CACNA2D1: variants seen among roughly 807,000 people sequenced by gnomAD.
CACNA2D1 encodes calcium voltage-gated channel auxiliary subunit alpha2delta 1.
A neutral mutation model predicts 171.5 loss-of-function variants in CACNA2D1; 53 were observed. The ratio of observed to expected loss-of-function variants is 0.31; its 90% CI spans 0.25 to 0.39. The LOEUF is 0.39. Among genes scored for constraint, CACNA2D1 ranks in the 10% least tolerant of loss-of-function variants. The pLI, the probability that CACNA2D1 is intolerant of heterozygous loss-of-function variation, is 1.00. For missense variants in CACNA2D1, 903 were observed against 1,299.8 expected (o/e 0.69, Z 4.69); for synonymous variants, 442 against 443.1 (o/e 1.00, Z 0.03).
intron 18 of CACNA2D1, chr7:82,001,770 G>T (rs1483453820): frequency 8.0e-6 from 5 of 621,676 alleles, no homozygotes; most frequent in Non-Finnish European, 1.3e-5. Flanking sequence ...ATAGGTACGG[G>T]TTCTATCCTA....
chr7:81,974,577 T>A, intron 24 of CACNA2D1, 25 bp from the exon 25 acceptor site: 1 of 1,219,230 alleles, frequency 8.2e-7, no homozygotes, highest in Non-Finnish European at 1.2e-6. Flanking sequence ...TTTTGAGATA[T>A]TAGATATTAA....
chr7:82,198,466 A>AG (rs1799070617), intron 3 of CACNA2D1, among the ~76,000 whole-genome samples: 1 of 152,102 alleles, frequency 6.6e-6, no homozygotes, highest in African/African-American at 2.4e-5. Flanking sequence ...AGAAAGACTA[A>AG]GAGAGTTTCC....
chr7:82,349,885 G>A (rs1479399193), intron 1 of CACNA2D1, among the ~76,000 whole-genome samples: 3 of 152,136 alleles, frequency 2.0e-5, no homozygotes, highest in Non-Finnish European at 4.4e-5. Flanking sequence ...GGAGAAAAAT[G>A]ACATTGATGT....
intron 20 of CACNA2D1, 137 bp from the exon 21 acceptor site, chr7:81,991,383 C>CCTG: frequency 1.9e-6 from 1 of 530,102 alleles, no homozygotes. Context: ...CTATTTTATT[C>CCTG]TATATTTATT....
chr7:82,033,273 C>A (rs917547040), intron 11 of CACNA2D1, among the ~76,000 whole-genome samples: 1 of 151,902 alleles, frequency 6.6e-6, no homozygotes, highest in Non-Finnish European at 1.5e-5. Context: ...TTGTTGGTAT[C>A]CCCCAACAGA....
chr7:82,345,861 T>C (rs1819195217), intron 2 of CACNA2D1, among the ~76,000 whole-genome samples: 1 of 152,210 alleles, frequency 6.6e-6, no homozygotes, highest in Non-Finnish European at 1.5e-5. Context: ...TTAATACAGC[T>C]TTAATACATT....
At chr7:82,038,382 T>G (rs535796000) in intron 10 of CACNA2D1, 147 bp from the exon 11 acceptor site, 1 of 689,152 alleles carries the variant, frequency 1.5e-6, no homozygotes, top group South Asian at 1.9e-5. Flanking sequence ...CAAAGGTGCA[T>G]TAAGAAACCA....
intron 10 of CACNA2D1, among the ~76,000 whole-genome samples, chr7:82,040,465 A>C (rs1172708599): frequency 1.0e-4 from 15 of 146,978 alleles, no homozygotes; most frequent in South Asian, 6.5e-4. Context: ...AAAAAAAAAA[A>C]AAAAAACAGA....
chr7:82,427,718 T>C (rs1829314643), intron 1 of CACNA2D1, among the ~76,000 whole-genome samples: 1 of 152,226 alleles, frequency 6.6e-6, no homozygotes, highest in Non-Finnish European at 1.5e-5. Context: ...TAACCAACCA[T>C]GCAAGTTCCA....
intron 5 of CACNA2D1, among the ~76,000 whole-genome samples, chr7:82,130,505 T>C (rs1358896772): frequency 1.3e-5 from 2 of 152,114 alleles, no homozygotes; most frequent in Non-Finnish European, 2.9e-5. Flanking sequence ...TAAAATGAGA[T>C]AATTTCAATA....
rs112763882 is a variant in CACNA2D1 at position 82,011,979 on chromosome 7, T to C, written c.1362+175A>G. 4 of 621,722 alleles carry C rather than the reference T, an allele frequency of 6.4e-6. No individual in the cohort carries two copies. In the East Asian group the frequency reaches 8.5e-5, roughly 13 times the overall value. The allele number at this position is 621,722 out of a possible 1,614,324, so 38.5% of individuals were successfully genotyped here. ...TTTGCATTTGTAGTTTTCTACTACATACGAGTCTATGTTTTTATGTAAATT... is the reference window on the plus strand; with the variant it reads ...TTTGCATTTGTAGTTTTCTACTACACACGAGTCTATGTTTTTATGTAAATT... On this transcript the variant is annotated intron_variant, in intron 15 of 38. Coordinates refer to ENST00000356860, the MANE Select transcript of CACNA2D1 (RefSeq NM_000722.4).
intron 18 of CACNA2D1, among the ~76,000 whole-genome samples, chr7:82,003,620 T>G (rs537967024): frequency 3.1e-4 from 46 of 150,196 alleles, no homozygotes; most frequent in African/African-American, 5.1e-4. Context: ...TAGATATATA[T>G]ATATAAATCA....
intron 1 of CACNA2D1, among the ~76,000 whole-genome samples, chr7:82,390,164 T>C (rs1320021539): frequency 6.6e-6 from 1 of 152,176 alleles, no homozygotes; most frequent in Non-Finnish European, 1.5e-5. Context: ...TCAGTGAAAT[T>C]AGCTGTAGGA....
intron 1 of CACNA2D1, among the ~76,000 whole-genome samples, chr7:82,417,955 A>G (rs1327494973): frequency 6.6e-6 from 1 of 152,220 alleles, no homozygotes; most frequent in Non-Finnish European, 1.5e-5. Context: ...AACCACATCA[A>G]CATGAGTCTT....
At chr7:82,289,967 G>A (rs1811316592) in intron 3 of CACNA2D1, among the ~76,000 whole-genome samples, 1 of 152,216 alleles carries the variant, frequency 6.6e-6, no homozygotes. Context: ...TTCACTTAAA[G>A]TAGAACCTAC....
chr7:82,136,741 CA>C, intron 4 of CACNA2D1, 65 bp from the exon 5 acceptor site: 1 of 1,008,982 alleles, frequency 9.9e-7, no homozygotes, highest in Non-Finnish European at 1.5e-6. Context: ...ATACTGAATA[CA>C]TTTTATGCAT....
intron 3 of CACNA2D1, among the ~76,000 whole-genome samples, chr7:82,179,715 C>G (rs1269211804): frequency 6.6e-6 from 1 of 152,080 alleles, no homozygotes; most frequent in African/African-American, 2.4e-5. Flanking sequence ...ATATTAATAA[C>G]TTTTACCACA....
intron 1 of CACNA2D1, among the ~76,000 whole-genome samples, chr7:82,362,862 TA>T (rs1226259517): frequency 1.3e-4 from 20 of 152,290 alleles, no homozygotes; most frequent in African/African-American, 4.8e-4. Context: ...CTTTATACAT[TA>T]CACATGAAAA....
At chr7:82,334,745 G>T (rs1409281081) in intron 3 of CACNA2D1, among the ~76,000 whole-genome samples, 1 of 152,010 alleles carries the variant, frequency 6.6e-6, no homozygotes, top group Non-Finnish European at 1.5e-5. Context: ...GAAGGGTGAT[G>T]GAATAAGAGA....
Sources: allele counts gnomAD v4.1 joint callset (sites outside exome capture counted in the v4.1 genomes callset), GRCh38; gene constraint gnomAD v4.1.1; transcripts MANE v1.5; gene names NCBI Gene and HGNC (gene_info 2026-07-23, HGNC 2026-07-21).